The following NFIA variants were observed in gnomAD, a reference collection of about 807,000 sequenced individuals.
NFIA encodes nuclear factor I A, also known as nuclear factor 1 A-type.
NFIA carries 8 observed loss-of-function variants against 62.8 expected under a neutral mutation model. The ratio of observed to expected loss-of-function variants is 0.13; its 90% CI spans 0.07 to 0.23. The LOEUF (loss-of-function observed/expected upper bound fraction) is 0.23, where lower values mean the gene tolerates loss of function less well. Among genes scored for constraint, NFIA ranks in the 10% least tolerant of loss-of-function variants. The probability of loss-of-function intolerance (pLI) is 1.00; values close to 1 mark genes in which losing one functional copy is unlikely to be tolerated. For missense variants in NFIA, 410 were observed against 642.1 expected, an observed-to-expected ratio of 0.64 and a Z score of 3.91; for synonymous variants, 235 against 238.1, an observed-to-expected ratio of 0.99 and a Z score of 0.12.
At chr1:61,174,594 C>T (rs1244780474) in intron 2 of NFIA, among the ~76,000 whole-genome samples, 1 of 152,144 alleles carries the variant, frequency 6.6e-6, no homozygotes, top group Non-Finnish European at 1.5e-5. Context: ...CTCTGTGCTC[C>T]AAAACTACTG....
intron 2 of NFIA, among the ~76,000 whole-genome samples, chr1:61,196,412 T>C (rs1190894715): frequency 6.6e-6 from 1 of 152,194 alleles, no homozygotes; most frequent in Non-Finnish European, 1.5e-5. Context: ...TGGTTTAAGA[T>C]AAATTTGGAA....
intron 2 of NFIA, among the ~76,000 whole-genome samples, chr1:61,234,367 CAAAA>C (rs34304036): frequency 2.7e-5 from 2 of 73,312 alleles, no homozygotes; most frequent in Non-Finnish European, 2.6e-5. Flanking sequence ...AACGCCATCT[CAAAA>C]AAAAAAAAAA....
chr1:61,379,598 C>T (rs12064509), intron 6 of NFIA, among the ~76,000 whole-genome samples: 5 of 151,430 alleles, frequency 3.3e-5, no homozygotes, highest in African/African-American at 7.3e-5. Flanking sequence ...AGTAGAGATG[C>T]GGTTTCACCA....
At chr1:61,202,074 C>T (rs1652540253) in intron 2 of NFIA, among the ~76,000 whole-genome samples, 1 of 152,134 alleles carries the variant, frequency 6.6e-6, no homozygotes, top group Non-Finnish European at 1.5e-5. Flanking sequence ...ACATTGCAAA[C>T]TCATCCATTG....
intron 2 of NFIA, among the ~76,000 whole-genome samples, chr1:61,170,550 C>T (rs1649889929): frequency 6.6e-6 from 1 of 152,146 alleles, no homozygotes; most frequent in Non-Finnish European, 1.5e-5. Flanking sequence ...TGTAGGATTT[C>T]TGGATGCTTA....
chr1:61,195,476 C>G (rs1251492181), intron 2 of NFIA, among the ~76,000 whole-genome samples: 1 of 152,156 alleles, frequency 6.6e-6, no homozygotes, highest in Non-Finnish European at 1.5e-5. Context: ...GTTCTCCTGA[C>G]CTTTCTTGTG....
At chr1:61,196,940 T>TGTGC (rs1491445557) in intron 2 of NFIA, among the ~76,000 whole-genome samples, 26 of 112,258 alleles carry the variant, frequency 2.3e-4, no homozygotes, top group South Asian at 1.5e-3. Flanking sequence ...TGTGTGTGTG[T>TGTGC]GCGCGCGCGC....
Position 61,455,381 on chromosome 1 carries a change from A to G in NFIA, c.*61A>G, listed in dbSNP as rs1188590224. 1.2e-6 allele frequency: 2 copies of G among 1,614,000 alleles called. No individual in the cohort carries two copies. The highest frequency in any genetic ancestry group is 1.7e-6 in the Non-Finnish European group (2 of 1,179,944). The stretch of plus-strand genomic sequence containing the variant: ...CCTGACCCCTTCTCAACTCTGTAAC[A>G]TGGACGCAACCTCAACCCAGCGCAG... On this transcript the variant is annotated 3_prime_UTR_variant, in exon 11 of 11. Transcript: ENST00000403491.
intron 2 of NFIA, among the ~76,000 whole-genome samples, chr1:61,262,749 C>G (rs1160184793): frequency 4.6e-5 from 7 of 152,108 alleles, no homozygotes; most frequent in Non-Finnish European, 1.0e-4. Flanking sequence ...GCAAAAGTAT[C>G]AAGAAAGAAT....
intron 10 of NFIA, among the ~76,000 whole-genome samples, chr1:61,444,129 C>T (rs1225778061): frequency 6.6e-6 from 1 of 152,202 alleles, no homozygotes; most frequent in Non-Finnish European, 1.5e-5. Flanking sequence ...TGAAGAGAAT[C>T]AACGTGCATT....
chr1:61,296,732 T>C, intron 3 of NFIA, among the ~76,000 whole-genome samples: 1 of 152,190 alleles, frequency 6.6e-6, no homozygotes, highest in South Asian at 2.1e-4. Context: ...CCTGTAACTT[T>C]AAGACATCAA....
chr1:61,131,757 T>C (rs1372409848), intron 2 of NFIA, among the ~76,000 whole-genome samples: 1 of 152,198 alleles, frequency 6.6e-6, no homozygotes, highest in African/African-American at 2.4e-5. Context: ...GCAATAATTT[T>C]TAAGTTGATC....
At chr1:61,178,791 A>G (rs1337563482) in intron 2 of NFIA, among the ~76,000 whole-genome samples, 2 of 152,240 alleles carry the variant, frequency 1.3e-5, no homozygotes, top group African/African-American at 2.4e-5. Flanking sequence ...TTTCCTCACA[A>G]GCAGACTCTG....
intron 4 of NFIA, among the ~76,000 whole-genome samples, chr1:61,346,447 A>G (rs760336116): frequency 6.6e-6 from 1 of 152,242 alleles, no homozygotes; most frequent in Non-Finnish European, 1.5e-5. Flanking sequence ...ACTTAATGCC[A>G]TTATTAGTTA....
At chr1:61,171,996 A>G (rs1369731865) in intron 2 of NFIA, among the ~76,000 whole-genome samples, 1 of 152,228 alleles carries the variant, frequency 6.6e-6, no homozygotes, top group Admixed American at 6.5e-5. Flanking sequence ...GCTAAGGAAG[A>G]ATCCATAGAG....
At chr1:61,192,807 G>A (rs1651735651) in intron 2 of NFIA, among the ~76,000 whole-genome samples, 1 of 152,174 alleles carries the variant, frequency 6.6e-6, no homozygotes, top group Non-Finnish European at 1.5e-5. Context: ...CAAGTGGGAG[G>A]TGGTTTGGGA....
intron 3 of NFIA, among the ~76,000 whole-genome samples, chr1:61,328,828 T>A (rs2100384294): frequency 6.6e-6 from 1 of 150,978 alleles, no homozygotes; most frequent in South Asian, 2.1e-4. Flanking sequence ...GTTCAAATGA[T>A]TCTCCTGCCT....
At chr1:61,136,095 G>A (rs1647184005) in intron 2 of NFIA, among the ~76,000 whole-genome samples, 2 of 152,040 alleles carry the variant, frequency 1.3e-5, no homozygotes, top group African/African-American at 2.4e-5. Flanking sequence ...CATTCTTTTC[G>A]GAAACCTGAT....
At chr1:61,081,214 C>T (rs1380765817), upstream of NFIA, among the ~76,000 whole-genome samples, 1 of 151,764 alleles carries the variant, frequency 6.6e-6, no homozygotes, top group Non-Finnish European at 1.5e-5. Flanking sequence ...GGTAGGCTTT[C>T]CCCCCTCCGA....
Sources: allele counts gnomAD v4.1 joint callset (sites outside exome capture counted in the v4.1 genomes callset), GRCh38; gene constraint gnomAD v4.1.1; transcripts MANE v1.5; gene names NCBI Gene and HGNC (gene_info 2026-07-23, HGNC 2026-07-21).